Variants in IGSF11 observed in about 807,000 individuals in gnomAD.
IGSF11 encodes the protein immunoglobulin superfamily member 11.
In IGSF11, 22 loss-of-function variants were observed where a neutral mutation model predicts 41.0. The ratio of observed to expected loss-of-function variants is 0.54; its 90% CI spans 0.38 to 0.77. The LOEUF (loss-of-function observed/expected upper bound fraction) is 0.77, where lower values mean the gene tolerates loss of function less well. IGSF11 is among the 30% of genes least tolerant of loss of function. IGSF11 has a pLI of 0.00. For synonymous variants in IGSF11, 219 were observed against 201.3 expected (o/e 1.09, Z -0.74); for missense variants, 444 against 530.8 (o/e 0.84, Z 1.61).
rs553722405 is a variant in IGSF11 at position 119,048,376 on chromosome 3, G to A, written c.49+56768C>T. 6.8e-4 allele frequency among the ~76,000 whole-genome samples: 103 copies of A among 152,108 alleles called. 1 individual carries two copies. Among genetic ancestry groups the A allele is most frequent in the Non-Finnish European group, 1.2e-3 (80 of 67,984 alleles). The stretch of plus-strand genomic sequence containing the variant: ...CAGAGAATACTACAAACACCTCTAC[G>A]CAAATAAACTAGAAAATCTAGAAGA... On this transcript the variant is annotated intron_variant, in intron 1 of 6. Transcript: ENST00000354673.
intron 1 of IGSF11, among the ~76,000 whole-genome samples, chr3:119,049,897 G>A (rs1941542820): frequency 6.8e-6 from 1 of 147,476 alleles, no homozygotes; most frequent in African/African-American, 2.5e-5. Flanking sequence ...AAGCAATGGG[G>A]AAAGGATTCC....
intron 4 of IGSF11, among the ~76,000 whole-genome samples, chr3:118,923,511 C>G (rs753996778): frequency 6.6e-6 from 1 of 152,150 alleles, no homozygotes; most frequent in African/African-American, 2.4e-5. Context: ...ATTATCTCAA[C>G]CATGTCCTTT....
At chr3:119,002,547 C>T (rs11921200) in intron 1 of IGSF11, among the ~76,000 whole-genome samples, 35,418 of 118,986 alleles carry the variant, frequency 0.3, 5,939 homozygotes, top group African/African-American at 0.56. Context: ...AGTCCTTGCC[C>T]ACGCCTATGT....
chr3:119,113,565 G>A (rs13086678), intron 1 of IGSF11, among the ~76,000 whole-genome samples: 17,634 of 152,198 alleles, frequency 0.12, 1,151 homozygotes, highest in East Asian at 0.23. Context: ...CCAAGGCCTC[G>A]GGCAGCTCCA....
intron 1 of IGSF11, among the ~76,000 whole-genome samples, chr3:119,080,508 A>G (rs1420861378): frequency 1.3e-5 from 2 of 152,238 alleles, no homozygotes; most frequent in African/African-American, 4.8e-5. Flanking sequence ...AACAGTGGGA[A>G]GTCTTCTGCA....
At chr3:119,034,932 G>T, upstream of IGSF11, 10 of 785,060 alleles carry the variant, frequency 1.3e-5, no homozygotes, top group Non-Finnish European at 1.6e-5. Flanking sequence ...TCGCCGCGCC[G>T]CCCACTCGCC....
chr3:118,935,653 C>T (rs911103964), intron 1 of IGSF11, among the ~76,000 whole-genome samples: 3 of 151,834 alleles, frequency 2.0e-5, no homozygotes, highest in Admixed American at 2.0e-4. Context: ...GACTCACTCG[C>T]TCTATTCCCA....
chr3:119,115,795 T>G (rs557380923), intron 1 of IGSF11, among the ~76,000 whole-genome samples: 6 of 152,330 alleles, frequency 3.9e-5, no homozygotes, highest in South Asian at 2.1e-4. Context: ...AACTAATAAA[T>G]GTACAATCTA....
intron 1 of IGSF11, among the ~76,000 whole-genome samples, chr3:119,068,916 C>CTTTTTTTTTTTT (rs66923529): frequency 8.8e-6 from 1 of 114,140 alleles, no homozygotes; most frequent in Non-Finnish European, 1.7e-5. Context: ...TGGTTATTTT[C>CTTTTTTTTTTTT]TTTTTTTTTT....
At chr3:119,097,376 T>C (rs1385480744) in intron 1 of IGSF11, among the ~76,000 whole-genome samples, 1 of 152,178 alleles carries the variant, frequency 6.6e-6, no homozygotes, top group African/African-American at 2.4e-5. Context: ...ATTGGTAAAC[T>C]TAGGAAGAGT....
chr3:118,960,001 C>T (rs1018061963), intron 1 of IGSF11, among the ~76,000 whole-genome samples: 5 of 150,288 alleles, frequency 3.3e-5, no homozygotes, highest in Admixed American at 6.6e-5. Flanking sequence ...GCGGAGATCG[C>T]GCCACTGCAC....
intron 1 of IGSF11, among the ~76,000 whole-genome samples, chr3:118,931,368 A>G (rs1046820266): frequency 6.6e-6 from 1 of 152,260 alleles, no homozygotes; most frequent in African/African-American, 2.4e-5. Context: ...TCATAACAGC[A>G]TTATTTATAT....
intron 1 of IGSF11, among the ~76,000 whole-genome samples, chr3:119,095,739 G>A (rs2076838824): frequency 6.6e-6 from 1 of 152,172 alleles, no homozygotes; most frequent in Non-Finnish European, 1.5e-5. Flanking sequence ...CTTTACAGGA[G>A]AGAAACACTA....
chr3:119,074,802 A>G (rs1034870906), intron 1 of IGSF11, among the ~76,000 whole-genome samples: 3 of 152,120 alleles, frequency 2.0e-5, no homozygotes, highest in Non-Finnish European at 2.9e-5. Flanking sequence ...CAGTGAGCTG[A>G]GATCGCACCA....
chr3:119,014,300 G>A (rs1938447867), intron 1 of IGSF11, among the ~76,000 whole-genome samples: 1 of 152,146 alleles, frequency 6.6e-6, no homozygotes, highest in African/African-American at 2.4e-5. Flanking sequence ...GCATGACAGA[G>A]GCATAAAAAG....
chr3:118,921,901 T>C (rs999543101), intron 4 of IGSF11, among the ~76,000 whole-genome samples: 2 of 152,058 alleles, frequency 1.3e-5, no homozygotes, highest in African/African-American at 2.4e-5. Flanking sequence ...GCAAATTCTA[T>C]AGAATCATCA....
At chr3:119,097,957 ATTTTTTTTTTTTT>A (rs377746200) in intron 1 of IGSF11, among the ~76,000 whole-genome samples, 75 of 58,362 alleles carry the variant, frequency 1.3e-3, no homozygotes, top group African/African-American at 3.8e-3. Flanking sequence ...CATTCAGCTA[ATTTTTTTTTTTTT>A]TTTTTTTTTT....
At chr3:119,104,553 T>C (rs1024446721) in intron 1 of IGSF11, among the ~76,000 whole-genome samples, 7 of 152,202 alleles carry the variant, frequency 4.6e-5, no homozygotes, top group African/African-American at 1.7e-4. Flanking sequence ...ATGTATTAAC[T>C]CATTTATTTT....
chr3:119,083,126 CT>C (rs79620142), intron 1 of IGSF11, among the ~76,000 whole-genome samples: 67 of 129,090 alleles, frequency 5.2e-4, no homozygotes, highest in Middle Eastern at 4.0e-3. Context: ...TTTCTTTTTT[CT>C]TTTTTTTTTT....
Sources: gnomAD v4.1 joint callset for allele counts (sites outside exome capture counted in the v4.1 genomes callset) on GRCh38, gnomAD v4.1.1 for gene constraint, MANE v1.5 for transcripts, NCBI Gene and HGNC (gene_info 2026-07-23, HGNC 2026-07-21) for gene names.